FANCI: variants seen among roughly 807,000 people sequenced by gnomAD.
FANCI encodes FA complementation group I.
FANCI carries 156 observed loss-of-function variants against 176.1 expected under a neutral mutation model. The ratio of observed to expected loss-of-function variants is 0.89; its 90% CI spans 0.78 to 1.01. The LOEUF (loss-of-function observed/expected upper bound fraction) is 1.01, where lower values mean the gene tolerates loss of function less well. Among genes scored for constraint, FANCI ranks in the 50% least tolerant of loss-of-function variants. FANCI has a pLI of 0.00. For missense variants in FANCI, 1,678 were observed against 1,534.1 expected (o/e 1.09, Z -1.57); for synonymous variants, 613 against 541.7 (o/e 1.13, Z -1.83).
At chr15:89,296,966 G>A (rs1280820849) in intron 24 of FANCI, among the ~76,000 whole-genome samples, 1 of 142,136 alleles carries the variant, frequency 7.0e-6, no homozygotes, top group African/African-American at 2.9e-5. Context: ...CCGGGCGGGG[G>A]GCTGACCCCC....
chr15:89,276,945 G>A, intron 13 of FANCI, 54 bp downstream of exon 13: 1 of 1,585,974 alleles, frequency 6.3e-7, no homozygotes, highest in South Asian at 1.1e-5. Context: ...AATCCAAGTA[G>A]GGCTTGGCAT....
chr15:89,257,007 T>C (rs939566342), intron 2 of FANCI, among the ~76,000 whole-genome samples: 5 of 152,136 alleles, frequency 3.3e-5, no homozygotes, highest in South Asian at 2.1e-4. Context: ...CCCGGGTTCA[T>C]GCCATTCTCC....
intron 2 of FANCI, among the ~76,000 whole-genome samples, chr15:89,254,910 A>G (rs2052428380): frequency 6.6e-6 from 1 of 152,232 alleles, no homozygotes; most frequent in South Asian, 2.1e-4. Flanking sequence ...TTGTAATGGT[A>G]AAGATTGAAC....
chr15:89,307,430 A>G (rs1265025702), intron 32 of FANCI, 46 bp from the exon 33 acceptor site: 3 of 1,566,840 alleles, frequency 1.9e-6, no homozygotes, highest in African/African-American at 2.7e-5. Flanking sequence ...AGTCACTTGT[A>G]GTTTCATAGG....
intron 6 of FANCI, among the ~76,000 whole-genome samples, chr15:89,262,881 G>T (rs2052773226): frequency 6.6e-6 from 1 of 152,174 alleles, no homozygotes; most frequent in Non-Finnish European, 1.5e-5. Context: ...ATTACAAAGA[G>T]TGTTGCAATG....
intron 2 of FANCI, among the ~76,000 whole-genome samples, chr15:89,255,920 G>T (rs1023130814): frequency 6.6e-6 from 1 of 152,202 alleles, no homozygotes; most frequent in African/African-American, 2.4e-5. Flanking sequence ...TCGTGTGTTA[G>T]GCTCTGTGCA....
intron 22 of FANCI, among the ~76,000 whole-genome samples, chr15:89,293,266 G>C (rs2054132377): frequency 6.6e-6 from 1 of 152,156 alleles, no homozygotes; most frequent in Non-Finnish European, 1.5e-5. Flanking sequence ...TAAAATGAAA[G>C]CCTTCCAGCA....
chr15:89,310,293 A>T (rs1332360388), intron 34 of FANCI, among the ~76,000 whole-genome samples: 1 of 152,262 alleles, frequency 6.6e-6, no homozygotes, highest in Non-Finnish European at 1.5e-5. Flanking sequence ...TATCAAAAAC[A>T]GGCAGTGGGC....
intron 23 of FANCI, 45 bp from the exon 24 acceptor site, chr15:89,294,870 T>TAA: frequency 1.3e-6 from 2 of 1,535,976 alleles, no homozygotes; most frequent in Non-Finnish European, 1.8e-6. Context: ...CCAATAGCAG[T>TAA]AAGGGAATCT....
chr15:89,295,165 C>G (rs531515882), intron 24 of FANCI, 71 bp downstream of exon 24: 8 of 1,475,834 alleles, frequency 5.4e-6, no homozygotes, highest in Middle Eastern at 1.9e-4. Context: ...AAACTGGGAA[C>G]AGAGGATGAA....
intron 1 of FANCI, among the ~76,000 whole-genome samples, chr15:89,244,443 G>T (rs906876792): frequency 8.5e-5 from 13 of 152,172 alleles, no homozygotes; most frequent in Non-Finnish European, 1.3e-4. Context: ...TCCCGCCGGC[G>T]GGGCTCTGCC....
At chr15:89,276,142 A>G (rs1158123044) in intron 12 of FANCI, among the ~76,000 whole-genome samples, 1 of 152,254 alleles carries the variant, frequency 6.6e-6, no homozygotes, top group East Asian at 1.9e-4. Context: ...GGGGTATAAC[A>G]TTAAGTGGTA....
At chr15:89,305,318 C>G in intron 29 of FANCI, 23 bp from the exon 30 acceptor site, 1 of 1,614,192 alleles carries the variant, frequency 6.2e-7, no homozygotes, top group Admixed American at 1.7e-5. Flanking sequence ...GTCATTAGGT[C>G]TCACCTCTCT....
At chr15:89,254,403 A>G (rs2151157694) in intron 2 of FANCI, among the ~76,000 whole-genome samples, 1 of 152,298 alleles carries the variant, frequency 6.6e-6, no homozygotes, top group South Asian at 2.1e-4. Context: ...CTCAAAAAAG[A>G]CAGTGGGGGC....
intron 10 of FANCI, among the ~76,000 whole-genome samples, chr15:89,272,083 A>G (rs947445310): frequency 4.6e-5 from 7 of 151,994 alleles, no homozygotes; most frequent in South Asian, 2.1e-4. Flanking sequence ...GAGGGTTCCT[A>G]TTTCTCTGTG....
At chr15:89,273,511 TAAAAAAAAAAA>T (rs34985075) in intron 11 of FANCI, 42 bp downstream of exon 11, 8 of 476,786 alleles carry the variant, frequency 1.7e-5, no homozygotes, top group African/African-American at 8.9e-5. Flanking sequence ...CTGTAGTTGG[TAAAAAAAAAAA>T]AAAAAAAAAA....
intron 16 of FANCI, chr15:89,282,789 G>A (rs1337731788): frequency 2.0e-5 from 7 of 341,956 alleles, no homozygotes; most frequent in Admixed American, 1.2e-4. Context: ...ATGAAGGGAA[G>A]CACTCCTTCA....
In FANCI at chr15:89,261,838, G is replaced by A. The variant is rs766640605; in HGVS notation, c.463G>A (p.Glu155Lys). The A allele has an allele frequency of 1.2e-6, 2 of 1,613,896 alleles. No individual in the cohort carries two copies. Among genetic ancestry groups the A allele is most frequent in the South Asian group, 1.1e-5 (1 of 91,072 alleles). ...ATTTCTAGGTGTACTGAGTGGGGAA[G>A]AATGTAAGAAACAGTTGATTAACAC... Reference protein sequence around the residue: ...AYGKGVLSGEECKKQLINTLC... With the variant: ...AYGKGVLSGEKCKKQLINTLC... Residue 155 changes from glutamate (E) to lysine (K), a missense_variant, in exon 6 of 38, where the codon GAA becomes AAA. Transcript: ENST00000310775.
chr15:89,268,152 T>C (rs1321923766), intron 9 of FANCI, among the ~76,000 whole-genome samples: 2 of 152,150 alleles, frequency 1.3e-5, no homozygotes, highest in African/African-American at 4.8e-5. Flanking sequence ...TGAAGTGCAA[T>C]GGCACAATCT....
Sources: gnomAD v4.1 joint callset for allele counts (sites outside exome capture counted in the v4.1 genomes callset) on GRCh38, gnomAD v4.1.1 for gene constraint, MANE v1.5 for transcripts, NCBI Gene and HGNC (gene_info 2026-07-23, HGNC 2026-07-21) for gene names.